FER: variants seen among roughly 807,000 people sequenced by gnomAD.
The protein encoded by FER is FER tyrosine kinase, also known as tyrosine-protein kinase Fer.
A neutral mutation model predicts 111.0 loss-of-function variants in FER; 63 were observed. The ratio of observed to expected loss-of-function variants is 0.57; its 90% CI spans 0.46 to 0.70. The LOEUF (loss-of-function observed/expected upper bound fraction) is 0.70, where lower values mean the gene tolerates loss of function less well. Among genes scored for constraint, FER ranks in the 30% least tolerant of loss-of-function variants. The pLI, the probability that FER is intolerant of heterozygous loss-of-function variation, is 0.00. For missense variants in FER, 914 were observed against 954.0 expected, an observed-to-expected ratio of 0.96 and a Z score of 0.55; for synonymous variants, 327 against 313.9, an observed-to-expected ratio of 1.04 and a Z score of -0.44.
intron 10 of FER, among the ~76,000 whole-genome samples, chr5:108,909,075 G>A (rs10515394): frequency 2.0e-5 from 3 of 152,202 alleles, no homozygotes; most frequent in Non-Finnish European, 2.9e-5. Flanking sequence ...TCTATCTGGC[G>A]GCTTAATTGT....
chr5:108,971,296 A>AAAAC (rs1554105255), intron 13 of FER, among the ~76,000 whole-genome samples: 2 of 147,776 alleles, frequency 1.4e-5, no homozygotes, highest in Non-Finnish European at 3.0e-5. Flanking sequence ...AAAAAAAAAA[A>AAAAC]CCCAGAAAGA....
chr5:108,903,084 CATAT>C (rs960056801), intron 10 of FER, among the ~76,000 whole-genome samples: 2 of 152,024 alleles, frequency 1.3e-5, no homozygotes, highest in Non-Finnish European at 2.9e-5. Flanking sequence ...TTGGACCAAA[CATAT>C]AATAATTTTT....
intron 13 of FER, among the ~76,000 whole-genome samples, chr5:109,021,916 C>T (rs1384247699): frequency 6.6e-6 from 1 of 152,186 alleles, no homozygotes; most frequent in East Asian, 1.9e-4. Flanking sequence ...TGTAGGTATG[C>T]AGCTTACCTT....
intron 17 of FER, among the ~76,000 whole-genome samples, chr5:109,140,437 T>C (rs1360933980): frequency 6.6e-6 from 1 of 152,160 alleles, no homozygotes. Flanking sequence ...CTATCATTTG[T>C]AAGAGTATGA....
intron 2 of FER, among the ~76,000 whole-genome samples, chr5:108,781,048 G>A (rs375134259): frequency 7.9e-5 from 12 of 152,112 alleles, no homozygotes; most frequent in Admixed American, 3.9e-4. Flanking sequence ...TTGCCCATCT[G>A]TTCTTATATG....
rs537030231 is a variant in FER, at chr5:108,929,344, T to C, written c.1237-16786T>C. ...TGTGTTACTGCTAATCCATTGTAAG[T>C]GGTGCCAGAACAAAGTATAAATACT... On this transcript the variant is annotated intron_variant, in intron 10 of 19. Coordinates refer to ENST00000281092, the MANE Select transcript of FER (RefSeq NM_005246.4). Among the ~76,000 whole-genome samples the C allele has an allele frequency of 5.3e-5, 8 of 152,266 alleles. No individual in the cohort carries two copies. The South Asian group carries it at 1.7e-3, about 32-fold the overall frequency.
Position 109,179,846 on chromosome 5 carries a change from C to T in FER, c.2049-901C>T, listed in dbSNP as rs575012126. Among the ~76,000 whole-genome samples the T allele has an allele frequency of 1.6e-4, 24 of 152,062 alleles. 1 individual carries two copies. Among genetic ancestry groups the T allele is most frequent in the Non-Finnish European group, 3.1e-4 (21 of 68,020 alleles). The stretch of plus-strand genomic sequence containing the variant: ...GGTATCTGAGGGGGGGTCCTGGAAC[C>T]AATCATGGATCCCAAGGGATGGCTG... On this transcript the variant is annotated intron_variant, in intron 17 of 19. Coordinates refer to ENST00000281092, the MANE Select transcript of FER (RefSeq NM_005246.4).
intron 17 of FER, among the ~76,000 whole-genome samples, chr5:109,102,704 G>C (rs1748398611): frequency 6.6e-6 from 1 of 151,800 alleles, no homozygotes; most frequent in Non-Finnish European, 1.5e-5. Context: ...TGTTAATCTT[G>C]AGTGCTAGAT....
chr5:109,047,057 C>T (rs1010944415), intron 15 of FER, 47 bp from the exon 16 acceptor site: 11 of 1,008,490 alleles, frequency 1.1e-5, no homozygotes, highest in East Asian at 2.5e-5. Flanking sequence ...CAAATTAATG[C>T]TTTATTATTC....
chr5:108,928,922 C>G (rs1754171980), intron 10 of FER, among the ~76,000 whole-genome samples: 1 of 151,868 alleles, frequency 6.6e-6, no homozygotes, highest in Non-Finnish European at 1.5e-5. Context: ...CCACATAAGC[C>G]TTGGAGTCTT....
intron 13 of FER, among the ~76,000 whole-genome samples, chr5:109,023,482 T>C (rs1279827413): frequency 1.3e-5 from 2 of 152,108 alleles, no homozygotes; most frequent in African/African-American, 4.8e-5. Context: ...TTTGTGAACA[T>C]ACCACATGCT....
chr5:109,124,606 T>C (rs1751438268), intron 17 of FER, among the ~76,000 whole-genome samples: 1 of 151,390 alleles, frequency 6.6e-6, no homozygotes, highest in South Asian at 2.1e-4. Context: ...GTTGTTGTTG[T>C]TGTTGTTGTT....
chr5:109,119,730 C>A (rs1257971437), intron 17 of FER, among the ~76,000 whole-genome samples: 1 of 151,950 alleles, frequency 6.6e-6, no homozygotes, highest in Non-Finnish European at 1.5e-5. Flanking sequence ...AATTTACATT[C>A]CTACAGATAG....
chr5:108,866,438 G>A (rs953751138), intron 5 of FER, among the ~76,000 whole-genome samples: 11 of 152,154 alleles, frequency 7.2e-5, no homozygotes, highest in Non-Finnish European at 1.5e-4. Flanking sequence ...ACTGTTGTGG[G>A]ATGGGGGGAA....
chr5:108,962,327 A>G (rs948478331), intron 13 of FER, among the ~76,000 whole-genome samples: 2 of 152,210 alleles, frequency 1.3e-5, no homozygotes, highest in Non-Finnish European at 2.9e-5. Flanking sequence ...TTGGACATGT[A>G]TATGACCTGT....
intron 3 of FER, among the ~76,000 whole-genome samples, chr5:108,822,855 T>C (rs1008808996): frequency 1.3e-5 from 2 of 151,640 alleles, no homozygotes; most frequent in African/African-American, 2.4e-5. Context: ...AGTGGCGCCA[T>C]CTCGGCTCAC....
chr5:109,128,875 G>A (rs542170674), intron 17 of FER, among the ~76,000 whole-genome samples: 1 of 152,014 alleles, frequency 6.6e-6, no homozygotes, highest in East Asian at 1.9e-4. Flanking sequence ...AGAAAACATT[G>A]TAAAATAAAG....
At chr5:109,087,749 A>T (rs1777725351) in intron 16 of FER, among the ~76,000 whole-genome samples, 1 of 151,680 alleles carries the variant, frequency 6.6e-6, no homozygotes, top group Non-Finnish European at 1.5e-5. Flanking sequence ...TATGGACTTT[A>T]AATATTAATC....
chr5:108,932,355 C>CT (rs990097633), intron 10 of FER, among the ~76,000 whole-genome samples: 3 of 152,108 alleles, frequency 2.0e-5, no homozygotes, highest in Non-Finnish European at 4.4e-5. Context: ...ATGAACTCAT[C>CT]TTTTTTTATG....
Sources: allele counts gnomAD v4.1 joint callset (sites outside exome capture counted in the v4.1 genomes callset), GRCh38; gene constraint gnomAD v4.1.1; transcripts MANE v1.5; gene names NCBI Gene and HGNC (gene_info 2026-07-23, HGNC 2026-07-21).